The following GATAD2A variants were observed in gnomAD, a reference collection of about 807,000 sequenced individuals.
GATAD2A encodes the protein transcriptional repressor p66-alpha.
GATAD2A carries 12 observed loss-of-function variants against 68.5 expected under a neutral mutation model. That is an observed-to-expected ratio of 0.18 (90% CI 0.11 to 0.28). GATAD2A has a LOEUF of 0.28. Ranked by LOEUF, GATAD2A falls within the 10% of genes least tolerant of loss-of-function variation. The probability of loss-of-function intolerance (pLI) is 1.00; values close to 1 mark genes in which losing one functional copy is unlikely to be tolerated. For missense variants in GATAD2A, 755 were observed against 868.5 expected (o/e 0.87, Z 1.64); for synonymous variants, 410 against 375.3 (o/e 1.09, Z -1.07).
upstream of GATAD2A, among the ~76,000 whole-genome samples, chr19:19,403,102 A>G (rs1021877591): frequency 1.3e-5 from 2 of 152,006 alleles, no homozygotes; most frequent in East Asian, 1.9e-4. Flanking sequence ...CTTTGTTTTC[A>G]GATCAGAGAG....
At chr19:19,478,685 T>C (rs2058842477) in intron 2 of GATAD2A, among the ~76,000 whole-genome samples, 1 of 151,926 alleles carries the variant, frequency 6.6e-6, no homozygotes, top group Admixed American at 6.6e-5. Context: ...TGGCGCACAC[T>C]TGTAGTCCCA....
chr19:19,459,664 G>A (rs2057250499), intron 1 of GATAD2A, among the ~76,000 whole-genome samples: 1 of 152,180 alleles, frequency 6.6e-6, no homozygotes, highest in African/African-American at 2.4e-5. Context: ...GATAAACACT[G>A]TGGAAGAAGG....
intron 1 of GATAD2A, chr19:19,464,542 G>A (rs189063701): frequency 1.3e-5 from 2 of 152,368 alleles, no homozygotes; most frequent in East Asian, 1.9e-4. Context: ...GTCTGGAACC[G>A]GTTCAGACTG....
chr19:19,450,765 C>CTTT (rs1310929225), intron 1 of GATAD2A, among the ~76,000 whole-genome samples: 3 of 139,686 alleles, frequency 2.1e-5, no homozygotes, highest in African/African-American at 8.0e-5. Context: ...AAAAAAAACT[C>CTTT]TTTTTTTTTG....
At chr19:19,505,323 G>T in intron 11 of GATAD2A, 21 bp from the exon 12 acceptor site, 1 of 1,611,178 alleles carries the variant, frequency 6.2e-7, no homozygotes, top group Non-Finnish European at 8.5e-7. Flanking sequence ...CTTCTCAGCT[G>T]GTCGCTCTGT....
chr19:19,483,522 C>T (rs1027668440), intron 2 of GATAD2A, among the ~76,000 whole-genome samples: 2 of 152,102 alleles, frequency 1.3e-5, no homozygotes, highest in Non-Finnish European at 2.9e-5. Context: ...TTGAGGGAAC[C>T]GCAGAGGGGC....
intron 1 of GATAD2A, among the ~76,000 whole-genome samples, chr19:19,445,479 T>G (rs957220454): frequency 2.0e-5 from 3 of 152,214 alleles, no homozygotes; most frequent in Non-Finnish European, 4.4e-5. Flanking sequence ...ATTTAACCCA[T>G]TCACAGTATT....
chr19:19,469,570 A>G (rs1210800191), intron 2 of GATAD2A, among the ~76,000 whole-genome samples: 1 of 152,226 alleles, frequency 6.6e-6, no homozygotes, highest in Non-Finnish European at 1.5e-5. Context: ...GGCAAATGTC[A>G]ATCCAGCCAT....
chr19:19,505,526 TG>T lies in GATAD2A; in HGVS notation c.*54del. ...GCTCCCTCCTCCCCCACCTGGCCCCTGGTCTAGAAGGACCCACTGCACCACC... is the reference window on the plus strand; with the variant it reads ...GCTCCCTCCTCCCCCACCTGGCCCCTGTCTAGAAGGACCCACTGCACCACC... On this transcript the variant is annotated 3_prime_UTR_variant, in exon 12 of 12. Transcript: ENST00000683918. 2 of 1,510,536 alleles carry T rather than the reference TG, an allele frequency of 1.3e-6. No homozygotes were observed. Among genetic ancestry groups the T allele is most frequent in the Non-Finnish European group, 1.8e-6 (2 of 1,124,776 alleles). 93.6% of individuals were successfully genotyped at this position (1,510,536 alleles called of 1,614,324 possible). A position where few individuals can be genotyped will look rare whatever the true frequency, so the allele number is the denominator to read the frequency against.
In GATAD2A at chr19:19,506,022, G is replaced by T. The variant is rs2060851416; in HGVS notation, c.*548G>T. 2.5e-6 allele frequency: 1 copy of T among 398,130 alleles called. No individual in the cohort carries two copies. Among genetic ancestry groups the T allele is most frequent in the South Asian group, 1.3e-4 (1 of 7,846 alleles). 24.7% of individuals were successfully genotyped at this position (398,130 alleles called of 1,614,324 possible). Reference sequence around the variant, plus strand: ...ATGATGATGGAGTTAAAAGTAAACCGTGCAGACCCTGGGGTCCCTGTTGTA... The same window carrying T: ...ATGATGATGGAGTTAAAAGTAAACCTTGCAGACCCTGGGGTCCCTGTTGTA... On this transcript the variant is annotated 3_prime_UTR_variant, in exon 12 of 12. Transcript: ENST00000683918.
chr19:19,483,044 G>T (rs2059163262), intron 2 of GATAD2A, among the ~76,000 whole-genome samples: 1 of 152,132 alleles, frequency 6.6e-6, no homozygotes, highest in Non-Finnish European at 1.5e-5. Flanking sequence ...GACTTCAGGG[G>T]CTGTTGCGTT....
At chr19:19,418,930 A>AT (rs1216696233) in intron 1 of GATAD2A, among the ~76,000 whole-genome samples, 1 of 152,148 alleles carries the variant, frequency 6.6e-6, no homozygotes, top group East Asian at 1.9e-4. Context: ...AAACAGGGTC[A>AT]TTTTGGGGTG....
intron 2 of GATAD2A, chr19:19,472,674 A>G (rs6511037): frequency 0.99 from 151,060 of 151,930 alleles, 75,102 homozygotes; most frequent in East Asian, 1. Context: ...CACGTTGCTC[A>G]GTAAAAATGC....
At chr19:19,406,913 A>G (rs2050342591) in intron 1 of GATAD2A, among the ~76,000 whole-genome samples, 1 of 152,194 alleles carries the variant, frequency 6.6e-6, no homozygotes. Context: ...AATTTTGCAC[A>G]GGGCAAAATT....
At chr19:19,431,964 G>A (rs1178435350) in intron 1 of GATAD2A, among the ~76,000 whole-genome samples, 1 of 151,970 alleles carries the variant, frequency 6.6e-6, no homozygotes, top group African/African-American at 2.4e-5. Flanking sequence ...ATCACACGGA[G>A]GGGTTAATTT....
At position 19,492,305 on chromosome 19, in the gene GATAD2A, G is replaced by A. The variant is rs1293329061; in HGVS notation, c.270-1G>A. ...TGGTCACTACTGTCTCCACCCCACAGTGACATGAAGTCCGAGAGGAGACCC... is the reference window on the plus strand; with the variant it reads ...TGGTCACTACTGTCTCCACCCCACAATGACATGAAGTCCGAGAGGAGACCC... On this transcript the variant is annotated splice_acceptor_variant, in intron 2 of 11. Transcript: ENST00000683918. LOFTEE classifies it high-confidence loss of function. The A allele has an allele frequency of 6.2e-7, 1 of 1,600,432 alleles. No individual in the cohort carries two copies. The highest frequency in any genetic ancestry group is 8.5e-7 in the Non-Finnish European group (1 of 1,173,560).
At chr19:19,436,281 C>A in intron 1 of GATAD2A, 2 of 899,982 alleles carry the variant, frequency 2.2e-6, no homozygotes, top group Non-Finnish European at 1.7e-6. Context: ...AGGCTTCGGT[C>A]AGCTTCTTGG....
intron 1 of GATAD2A, among the ~76,000 whole-genome samples, chr19:19,441,929 T>G (rs1224577042): frequency 1.3e-5 from 2 of 152,088 alleles, no homozygotes; most frequent in Non-Finnish European, 2.9e-5. Context: ...TGGCACGATC[T>G]CGGCTCACCA....
chr19:19,463,578 G>T (rs1033912716), intron 1 of GATAD2A, among the ~76,000 whole-genome samples: 2 of 152,198 alleles, frequency 1.3e-5, no homozygotes, highest in African/African-American at 4.8e-5. Flanking sequence ...TAGGTGGTAG[G>T]TGCAGGCTGG....
Sources: gnomAD v4.1 joint callset for allele counts (sites outside exome capture counted in the v4.1 genomes callset) on GRCh38, gnomAD v4.1.1 for gene constraint, MANE v1.5 for transcripts, NCBI Gene and HGNC (gene_info 2026-07-23, HGNC 2026-07-21) for gene names.